Variants in PACSIN2 observed in about 807,000 individuals in gnomAD.
PACSIN2 encodes the protein protein kinase C and casein kinase substrate in neurons protein 2.
Under a neutral mutation model 63.8 loss-of-function variants are expected in PACSIN2, and 25 were observed. The observed-to-expected ratio is 0.39, with a 90% CI of 0.29 to 0.55. The LOEUF is 0.55. PACSIN2 is among the 20% of genes least tolerant of loss of function. PACSIN2 has a pLI of 0.62. For missense variants in PACSIN2, 518 were observed against 646.9 expected, an observed-to-expected ratio of 0.80 and a Z score of 2.16; for synonymous variants, 255 against 256.2, an observed-to-expected ratio of 1.00 and a Z score of 0.05.
At chr22:42,978,230 A>G (rs1921841103) in intron 1 of PACSIN2, among the ~76,000 whole-genome samples, 1 of 152,182 alleles carries the variant, frequency 6.6e-6, no homozygotes, top group South Asian at 2.1e-4. Context: ...AATGCCTACA[A>G]TAGGTCCCTC....
At position 42,931,849 on chromosome 22, in the gene PACSIN2, C is replaced by T. The variant is rs74741367; in HGVS notation, c.-77-19692G>A. 2.6e-3 allele frequency among the ~76,000 whole-genome samples: 393 copies of T among 152,242 alleles called. 2 individuals carry two copies. Among genetic ancestry groups the T allele is most frequent in the African/African-American group, 9.1e-3 (378 of 41,518 alleles). ...AACAGCCCAGAAAATGTCACAAAACCCCCAATTGTAAGGAACACAGGTGGT... is the reference window on the plus strand; with the variant it reads ...AACAGCCCAGAAAATGTCACAAAACTCCCAATTGTAAGGAACACAGGTGGT... On this transcript the variant is annotated intron_variant, in intron 1 of 10. Coordinates refer to ENST00000263246, the MANE Select transcript of PACSIN2 (RefSeq NM_001184970.3).
At chr22:42,880,037 T>A (rs938899606) in intron 7 of PACSIN2, among the ~76,000 whole-genome samples, 1 of 152,202 alleles carries the variant, frequency 6.6e-6, no homozygotes, top group African/African-American at 2.4e-5. Context: ...GTGTCTTGAT[T>A]TTCTAGAAGA....
At chr22:43,012,200 T>TACATACAA (rs982351907) in intron 1 of PACSIN2, among the ~76,000 whole-genome samples, 11 of 101,844 alleles carry the variant, frequency 1.1e-4, no homozygotes, top group Admixed American at 8.0e-4. Flanking sequence ...CATACATACA[T>TACATACAA]ACAAACATAC....
At chr22:42,923,348 C>T (rs1932318566) in intron 1 of PACSIN2, among the ~76,000 whole-genome samples, 1 of 152,196 alleles carries the variant, frequency 6.6e-6, no homozygotes, top group Admixed American at 6.5e-5. Context: ...AGAGTAAAAG[C>T]CCAGGTCCTC....
chr22:42,883,897 G>A (rs1343111756), intron 6 of PACSIN2, among the ~76,000 whole-genome samples: 5 of 152,280 alleles, frequency 3.3e-5, no homozygotes, highest in South Asian at 4.2e-4. Flanking sequence ...CCAGCTACTC[G>A]GGAGGCTGAG....
chr22:42,944,868 T>C (rs563818577), intron 1 of PACSIN2, among the ~76,000 whole-genome samples: 2 of 152,220 alleles, frequency 1.3e-5, no homozygotes, highest in South Asian at 4.1e-4. Context: ...GAGGCCAAGA[T>C]GGGTGGATCA....
intron 1 of PACSIN2, among the ~76,000 whole-genome samples, chr22:42,961,633 T>C (rs1934139275): frequency 2.0e-5 from 3 of 151,698 alleles, no homozygotes; most frequent in East Asian, 3.9e-4. Flanking sequence ...ATTGGCCAGG[T>C]GTAGTGGCAC....
At chr22:42,992,863 T>C (rs1196645190) in intron 1 of PACSIN2, among the ~76,000 whole-genome samples, 1 of 152,160 alleles carries the variant, frequency 6.6e-6, no homozygotes, top group African/African-American at 2.4e-5. Context: ...TAACACATAC[T>C]GTAAAAAGAA....
intron 2 of PACSIN2, among the ~76,000 whole-genome samples, chr22:42,898,978 T>C (rs1308023338): frequency 1.3e-5 from 2 of 152,136 alleles, no homozygotes; most frequent in East Asian, 3.9e-4. Context: ...TCCTCCTCCA[T>C]CCTGCATGCA....
intron 1 of PACSIN2, among the ~76,000 whole-genome samples, chr22:42,985,780 T>C (rs1407750049): frequency 6.6e-6 from 1 of 151,978 alleles, no homozygotes; most frequent in Non-Finnish European, 1.5e-5. Context: ...ATCTGATAAG[T>C]CTCCCAGACG....
rs137903913 is a variant in PACSIN2, at chr22:42,974,830, A to G, written c.-78+40191T>C. ...GAAGAAAAGAGAAAGAAGAAGAAGA[A>G]GAGGAGGAGGAGGACGAGGAGAAGG... On this transcript the variant is annotated intron_variant, in intron 1 of 10. Coordinates refer to ENST00000263246, the MANE Select transcript of PACSIN2 (RefSeq NM_001184970.3). 7.9e-3 allele frequency among the ~76,000 whole-genome samples: 1,194 copies of G among 151,872 alleles called. 11 individuals are homozygous for G. Among genetic ancestry groups the G allele is most frequent in the Middle Eastern group, 0.058 (17 of 292 alleles).
chr22:42,961,203 A>G (rs905596560), intron 1 of PACSIN2, among the ~76,000 whole-genome samples: 1 of 152,252 alleles, frequency 6.6e-6, no homozygotes, highest in African/African-American at 2.4e-5. Flanking sequence ...TGCTACTCAT[A>G]TTCATTCAAA....
chr22:42,990,005 C>CAT (rs2031885171), intron 1 of PACSIN2, among the ~76,000 whole-genome samples: 1 of 75,434 alleles, frequency 1.3e-5, no homozygotes, highest in African/African-American at 6.0e-5. Context: ...TATATACACA[C>CAT]ACATATATAT....
chr22:42,877,803 G>A (rs1009681610), intron 8 of PACSIN2, among the ~76,000 whole-genome samples: 1 of 152,160 alleles, frequency 6.6e-6, no homozygotes, highest in African/African-American at 2.4e-5. Flanking sequence ...CTGATCCTAG[G>A]ACCGGGCTAC....
intron 6 of PACSIN2, among the ~76,000 whole-genome samples, chr22:42,883,428 C>T (rs951846953): frequency 3.3e-5 from 5 of 152,122 alleles, no homozygotes; most frequent in Non-Finnish European, 4.4e-5. Context: ...TGACCCGTGA[C>T]GCATCCCTAC....
intron 1 of PACSIN2, among the ~76,000 whole-genome samples, chr22:42,943,231 T>C (rs915899065): frequency 1.3e-5 from 2 of 152,256 alleles, no homozygotes; most frequent in Non-Finnish European, 1.5e-5. Context: ...TTTTTGTATA[T>C]TGATCTTATA....
chr22:42,914,566 G>A (rs915433411), intron 1 of PACSIN2, among the ~76,000 whole-genome samples: 12 of 152,156 alleles, frequency 7.9e-5, no homozygotes, highest in African/African-American at 2.7e-4. Flanking sequence ...CCCTCCTGGA[G>A]TCGCCTCACC....
chr22:42,928,780 T>C (rs988814903), intron 1 of PACSIN2, among the ~76,000 whole-genome samples: 1 of 152,198 alleles, frequency 6.6e-6, no homozygotes, highest in Non-Finnish European at 1.5e-5. Flanking sequence ...AAAGCTACAC[T>C]GAACATAATT....
intron 1 of PACSIN2, among the ~76,000 whole-genome samples, chr22:42,992,556 T>C (rs1398075822): frequency 6.6e-6 from 1 of 152,212 alleles, no homozygotes; most frequent in African/African-American, 2.4e-5. Context: ...AAGATCAGTC[T>C]TGGCAACATA....
Sources: allele counts gnomAD v4.1 joint callset (sites outside exome capture counted in the v4.1 genomes callset), GRCh38; gene constraint gnomAD v4.1.1; transcripts MANE v1.5; gene names NCBI Gene and HGNC (gene_info 2026-07-23, HGNC 2026-07-21).